Variants in ITGB8 observed in about 807,000 individuals in gnomAD.
ITGB8 encodes the protein integrin beta-8.
Under a neutral mutation model 89.5 loss-of-function variants are expected in ITGB8, and 30 were observed. The ratio of observed to expected loss-of-function variants is 0.34; its 90% CI spans 0.25 to 0.45. ITGB8 has a LOEUF of 0.45. Ranked by LOEUF, ITGB8 falls within the 20% of genes least tolerant of loss-of-function variation. The probability of loss-of-function intolerance (pLI) is 1.00; values close to 1 mark genes in which losing one functional copy is unlikely to be tolerated. For synonymous variants in ITGB8, 335 were observed against 320.4 expected (o/e 1.05, Z -0.49); for missense variants, 836 against 933.3 (o/e 0.90, Z 1.36).
chr7:20,370,670 G>T (rs560250741), intron 3 of ITGB8, among the ~76,000 whole-genome samples: 3 of 151,422 alleles, frequency 2.0e-5, no homozygotes, highest in African/African-American at 7.3e-5. Flanking sequence ...GAATACAGTG[G>T]TGCGATCTCA....
chr7:20,352,751 A>G (rs2214441), intron 1 of ITGB8: 84,342 of 152,036 alleles, frequency 0.55, 24,451 homozygotes, highest in South Asian at 0.72. Context: ...CAACAACACC[A>G]GAATACTCTG....
At chr7:20,380,856 G>A (rs1246064611) in intron 5 of ITGB8, 25 bp downstream of exon 5, 6 of 1,576,268 alleles carry the variant, frequency 3.8e-6, no homozygotes, top group African/African-American at 1.4e-5. Flanking sequence ...ATGATCGAGT[G>A]TTTGCTAAGA....
rs202217710 is a variant in ITGB8, at chr7:20,351,828, A to AT, written c.128-11801dup. ...AAATGCATTCTTACTATCCTAGGGC[A>AT]TTTTTTTTAACCTCCTTAACCATGG... On this transcript the variant is annotated intron_variant, in intron 1 of 13. Transcript: ENST00000222573. Among the ~76,000 whole-genome samples the AT allele has an allele frequency of 3.1e-3, 466 of 151,944 alleles. 2 individuals are homozygous for AT. The highest frequency in any genetic ancestry group is 0.011 in the African/African-American group (438 of 41,472).
intron 1 of ITGB8, among the ~76,000 whole-genome samples, chr7:20,343,421 T>A (rs569232619): frequency 6.6e-6 from 1 of 152,342 alleles, no homozygotes; most frequent in East Asian, 1.9e-4. Flanking sequence ...TGTTATCTGC[T>A]GCCTGCTGTA....
At chr7:20,332,628 G>C (rs539228678) in intron 1 of ITGB8, among the ~76,000 whole-genome samples, 7 of 152,332 alleles carry the variant, frequency 4.6e-5, no homozygotes, top group Non-Finnish European at 1.0e-4. Context: ...CCTTAATGTG[G>C]AGAGGTTAAC....
chr7:20,330,596 A>T (rs1042162220), upstream of ITGB8: 4 of 152,248 alleles, frequency 2.6e-5, no homozygotes, highest in African/African-American at 9.7e-5. Context: ...GCCAAGGGGG[A>T]AAAGAAAGAG....
chr7:20,408,377 C>CAA (rs3032573), intron 12 of ITGB8, among the ~76,000 whole-genome samples: 3,233 of 97,290 alleles, frequency 0.033, 60 homozygotes, highest in Non-Finnish European at 0.054. Flanking sequence ...TACCTTATCA[C>CAA]AAAAAAAAAA....
chr7:20,332,640 C>G (rs1321819939), intron 1 of ITGB8, among the ~76,000 whole-genome samples: 1 of 152,198 alleles, frequency 6.6e-6, no homozygotes, highest in East Asian at 1.9e-4. Flanking sequence ...GAGGTTAACT[C>G]TTTACGAAAT....
At chr7:20,356,078 G>C (rs968886353) in intron 1 of ITGB8, among the ~76,000 whole-genome samples, 1 of 152,068 alleles carries the variant, frequency 6.6e-6, no homozygotes, top group African/African-American at 2.4e-5. Flanking sequence ...ACCTTTTTCA[G>C]AGAGCTTTCT....
chr7:20,359,793 T>G (rs1785431860), intron 1 of ITGB8, among the ~76,000 whole-genome samples: 1 of 152,200 alleles, frequency 6.6e-6, no homozygotes, highest in Non-Finnish European at 1.5e-5. Flanking sequence ...ATTGGTATAT[T>G]TGGTATTTTA....
chr7:20,385,767 A>G (rs959504969), intron 6 of ITGB8, among the ~76,000 whole-genome samples: 2 of 151,874 alleles, frequency 1.3e-5, no homozygotes, highest in African/African-American at 4.8e-5. Flanking sequence ...AGAGAGCTTA[A>G]GAAGCTACTT....
At position 20,410,123 on chromosome 7, in the gene ITGB8, C is replaced by G; in HGVS notation, c.*126C>G. 1 of 875,952 alleles carries G rather than the reference C, an allele frequency of 1.1e-6. No homozygotes were observed. The highest frequency in any genetic ancestry group is 1.7e-5 in the South Asian group (1 of 57,496). The allele number at this position is 875,952 out of a possible 1,614,324, so 54.3% of individuals were successfully genotyped here. On this transcript the variant is annotated 3_prime_UTR_variant, in exon 14 of 14. Coordinates refer to ENST00000222573, the MANE Select transcript of ITGB8 (RefSeq NM_002214.3). ...TCATGCCAGTTGCTGGTTGTACACT[C>G]GAACGAAGACTGACAAGTATCCTCA...
chr7:20,411,170 T>TTTG lies in ITGB8; in HGVS notation c.*1174_*1175insTGT, dbSNP rs1442387842. On this transcript the variant is annotated 3_prime_UTR_variant, in exon 14 of 14. Coordinates refer to ENST00000222573, the MANE Select transcript of ITGB8 (RefSeq NM_002214.3). ...GCTTTTTTTTTTTTTTTTTTTTTTT[T>TTTG]TGAGACGGAGTTTCACTCTTGTCAC... is the stretch of plus-strand genomic sequence containing the variant. 1 of 142,198 alleles carries TTTG rather than the reference T, an allele frequency of 7.0e-6. No homozygotes were observed. The highest frequency in any genetic ancestry group is 1.5e-5 in the Non-Finnish European group (1 of 67,358). The allele number at this position is 142,198 out of a possible 1,614,324, so 8.8% of individuals were successfully genotyped here. A position where few individuals can be genotyped will look rare whatever the true frequency, so the allele number is the denominator to read the frequency against.
At chr7:20,348,283 A>T (rs1427567817) in intron 1 of ITGB8, among the ~76,000 whole-genome samples, 2 of 152,196 alleles carry the variant, frequency 1.3e-5, no homozygotes. Flanking sequence ...TGAGAAAGAA[A>T]TTTGGAGGGA....
chr7:20,346,731 G>A lies in ITGB8; in HGVS notation c.127+14798G>A, dbSNP rs1784937909. 4 of 985,232 alleles carry A rather than the reference G, an allele frequency of 4.1e-6. No individual in the cohort carries two copies. In the South Asian group the frequency reaches 1.9e-4, roughly 46 times the overall value. The allele number at this position is 985,232 out of a possible 1,614,324, so 61.0% of individuals were successfully genotyped here. A position where few individuals can be genotyped will look rare whatever the true frequency, so the allele number is the denominator to read the frequency against. ...ACTCTTGACTCCAGATGATTAAAGT[G>A]ATTGCCTGAGAAGTATATAACACCT... On this transcript the variant is annotated intron_variant, in intron 1 of 13. Coordinates refer to ENST00000222573, the MANE Select transcript of ITGB8 (RefSeq NM_002214.3).
Position 20,367,146 on chromosome 7 carries a change from C to T in ITGB8, c.348C>T (p.Thr116=), listed in dbSNP as rs1040699347. 27 of 1,611,948 alleles carry T rather than the reference C, an allele frequency of 1.7e-5. No individual in the cohort carries two copies. In the African/African-American group the frequency reaches 3.2e-4, roughly 19 times the overall value. The change falls in exon 3 of 14, where the codon ACC becomes ACT. Residue 116 remains threonine (T), a synonymous_variant. Coordinates refer to ENST00000222573, the MANE Select transcript of ITGB8 (RefSeq NM_002214.3). ...TACCCACTGAAAATGAAATTAATAC[C>T]CAGGTGACACCAGGAGAAGTGTCTA... is the stretch of plus-strand genomic sequence containing the variant. ...VIIPTENEIN[T]QVTPGEVSIQ... is the part of the protein sequence containing the mutation.
Position 20,332,016 on chromosome 7 carries a change from C to T in ITGB8, c.127+83C>T, listed in dbSNP as rs1784419498. 3 of 1,543,508 alleles carry T rather than the reference C, an allele frequency of 1.9e-6. No individual in the cohort carries two copies. The South Asian group carries it at 3.6e-5, about 18-fold the overall frequency. ...CGAAGAGCTGCCCGGCCAGAGCATC[C>T]CGGCCAGGTAAGTTGCGGTCATCAG... On this transcript the variant is annotated intron_variant, in intron 1 of 13. Coordinates refer to ENST00000222573, the MANE Select transcript of ITGB8 (RefSeq NM_002214.3).
chr7:20,357,935 T>C (rs1430600714), intron 1 of ITGB8, among the ~76,000 whole-genome samples: 1 of 152,082 alleles, frequency 6.6e-6, no homozygotes, highest in Non-Finnish European at 1.5e-5. Flanking sequence ...CAAGGCAGGT[T>C]TTTTTTGTTA....
chr7:20,392,411 T>C (rs558830628), intron 7 of ITGB8, among the ~76,000 whole-genome samples: 1 of 152,324 alleles, frequency 6.6e-6, no homozygotes, highest in Non-Finnish European at 1.5e-5. Flanking sequence ...CCCATTTCCA[T>C]TTGCCACAAG....
Sources: gnomAD v4.1 joint callset for allele counts (sites outside exome capture counted in the v4.1 genomes callset) on GRCh38, gnomAD v4.1.1 for gene constraint, MANE v1.5 for transcripts, NCBI Gene and HGNC (gene_info 2026-07-23, HGNC 2026-07-21) for gene names.